ZNF605: variants seen among roughly 807,000 people sequenced by gnomAD.
The protein encoded by ZNF605 is zinc finger protein 605.
In ZNF605, 9 loss-of-function variants were observed where a neutral mutation model predicts 7.9. That is an observed-to-expected ratio of 1.14 (90% CI 0.68 to 1.98). The LOEUF (loss-of-function observed/expected upper bound fraction) is 1.98, where lower values mean the gene tolerates loss of function less well. ZNF605 is among the 30% of genes most tolerant of loss of function. The probability of loss-of-function intolerance (pLI) is 0.00; values close to 1 mark genes in which losing one functional copy is unlikely to be tolerated. For missense variants in ZNF605, 673 were observed against 762.4 expected, an observed-to-expected ratio of 0.88 and a Z score of 1.38; for synonymous variants, 255 against 260.1, an observed-to-expected ratio of 0.98 and a Z score of 0.19.
rs187798738 is a variant in ZNF605 at position 132,920,419 on chromosome 12, G to T, written c.*4954C>A. ...CTCCCAAAGTGCTGGGATTACAGGC[G>T]TGAGCCACCGCGCCTGGCCTGGTTT... On this transcript the variant is annotated 3_prime_UTR_variant, in exon 5 of 5. Coordinates refer to ENST00000360187, the MANE Select transcript of ZNF605 (RefSeq NM_183238.4). 6.6e-6 allele frequency: 1 copy of T among 152,146 alleles called. No homozygotes were observed. The highest frequency in any genetic ancestry group is 1.5e-5 in the Non-Finnish European group (1 of 68,050). 9.4% of individuals were successfully genotyped at this position (152,146 alleles called of 1,614,324 possible). A position where few individuals can be genotyped will look rare whatever the true frequency, so the allele number is the denominator to read the frequency against.
rs961247880 is a variant in ZNF605 at position 132,933,282 on chromosome 12, C to T, written c.16-127G>A. On this transcript the variant is annotated intron_variant, in intron 3 of 4. Transcript: ENST00000360187. This position sits in a 1 kb window ranked among gnomAD's most constrained non-coding sequence, Gnocchi z 4.4. ...GTGACCTCTGACTCCGGTATTCATG[C>T]TTTTGCATAATCCTCCCCTCTTGAC... 1.0e-5 allele frequency: 11 copies of T among 1,074,290 alleles called. No individual in the cohort carries two copies. The African/African-American group carries it at 1.8e-4, about 17-fold the overall frequency. 66.5% of individuals were successfully genotyped at this position (1,074,290 alleles called of 1,614,324 possible). A position where few individuals can be genotyped will look rare whatever the true frequency, so the allele number is the denominator to read the frequency against.
chr12:132,939,053 C>T (rs796158953), intron 3 of ZNF605, among the ~76,000 whole-genome samples: 21,529 of 150,642 alleles, frequency 0.14, 2,427 homozygotes, highest in Non-Finnish European at 0.2. Flanking sequence ...CATGGGCTCC[C>T]ATGCGGCCCC....
chr12:132,920,477 T>C lies in ZNF605; in HGVS notation c.*4896A>G, dbSNP rs954433933. ...GTTAGCATTCTGACAAGATGTTAAA[T>C]GACCCGGATACAATGAGTAATAATT... On this transcript the variant is annotated 3_prime_UTR_variant, in exon 5 of 5. Coordinates refer to ENST00000360187, the MANE Select transcript of ZNF605 (RefSeq NM_183238.4). 1 of 152,232 alleles carries C rather than the reference T, an allele frequency of 6.6e-6. No individual in the cohort carries two copies. Among genetic ancestry groups the C allele is most frequent in the Non-Finnish European group, 1.5e-5 (1 of 68,050 alleles). 9.4% of individuals were successfully genotyped at this position (152,232 alleles called of 1,614,324 possible).
Position 132,949,954 on chromosome 12 carries a change from C to T in ZNF605, c.-285-1684G>A, listed in dbSNP as rs796392745. 2.1e-4 allele frequency among the ~76,000 whole-genome samples: 32 copies of T among 152,122 alleles called. 1 individual carries two copies. The highest frequency in any genetic ancestry group is 7.5e-4 in the African/African-American group (31 of 41,500). ...GGGTTTGCGGCTCGAGGCAGATTCT[C>T]GAGAAAAAACATCCTGGAAGAGCCC... On this transcript the variant is annotated intron_variant, in intron 1 of 4. Coordinates refer to ENST00000360187, the MANE Select transcript of ZNF605 (RefSeq NM_183238.4).
intron 1 of ZNF605, among the ~76,000 whole-genome samples, chr12:132,953,639 A>G (rs1252496725): frequency 6.6e-6 from 1 of 152,098 alleles, no homozygotes; most frequent in African/African-American, 2.4e-5. Flanking sequence ...GTTGGCCAGG[A>G]TGGTGTGGAT....
chr12:132,951,995 C>T lies in ZNF605; in HGVS notation c.-285-3725G>A, dbSNP rs1025092588. Among the ~76,000 whole-genome samples, 1,077 of 152,186 alleles carry T rather than the reference C, an allele frequency of 7.1e-3. 18 individuals carry two copies. The highest frequency in any genetic ancestry group is 0.024 in the African/African-American group (1,000 of 41,508). ...CACGTTCACACACATCACACACACA[C>T]AGTCTCATTTACTCGCTACGAAAGC... On this transcript the variant is annotated intron_variant, in intron 1 of 4. Coordinates refer to ENST00000360187, the MANE Select transcript of ZNF605 (RefSeq NM_183238.4).
rs1952252210 is a variant in ZNF605, at chr12:132,926,775, C to T, written c.524G>A (p.Gly175Asp). The change falls in exon 5 of 5, where the codon GGC (glycine) becomes GAC (aspartate). Residue 175 changes from glycine (G) to aspartate (D), a missense_variant. Physicochemically the swap from Gly to Asp is moderately conservative, Grantham distance 94. Coordinates refer to ENST00000360187, the MANE Select transcript of ZNF605 (RefSeq NM_183238.4). Reference sequence around the variant, plus strand: ...TTGTGACTTCTTGTTAAAAAATCTGCCACATTCCATGCATAAATAGACTCC... The same window carrying T: ...TTGTGACTTCTTGTTAAAAAATCTGTCACATTCCATGCATAAATAGACTCC... ...HTGVYLCMEC[G>D]RFFNKKSQLV... 3.1e-6 allele frequency: 5 copies of T among 1,613,804 alleles called. No homozygotes were observed. The Admixed American group carries it at 6.7e-5, about 22-fold the overall frequency.
chr12:132,929,876 C>G (rs902178393), intron 4 of ZNF605, among the ~76,000 whole-genome samples: 1 of 152,068 alleles, frequency 6.6e-6, no homozygotes, highest in African/African-American at 2.4e-5. Context: ...ACCCGGGAGT[C>G]GGAGGTTGTA....
At chr12:132,953,159 TC>T (rs1952590356) in intron 1 of ZNF605, among the ~76,000 whole-genome samples, 1 of 151,834 alleles carries the variant, frequency 6.6e-6, no homozygotes. Flanking sequence ...CCGAACCCCA[TC>T]AACCCCACTC....
At position 132,932,098 on chromosome 12, in the gene ZNF605, T is replaced by C. The variant is rs1047771505; in HGVS notation, c.136+937A>G. Among the ~76,000 whole-genome samples the C allele has an allele frequency of 1.6e-4, 24 of 152,232 alleles. No individual in the cohort carries two copies. The East Asian group carries it at 4.4e-3, about 28-fold the overall frequency. On this transcript the variant is annotated intron_variant, in intron 4 of 4. Coordinates refer to ENST00000360187, the MANE Select transcript of ZNF605 (RefSeq NM_183238.4). Reference sequence around the variant, plus strand: ...ACCACCATATTTGGCTGAATTATTATTATTATTGTTAGGTATTATTAGTAG... The same window carrying C: ...ACCACCATATTTGGCTGAATTATTACTATTATTGTTAGGTATTATTAGTAG...
chr12:132,944,259 C>G (rs1294657008), intron 3 of ZNF605, among the ~76,000 whole-genome samples: 1 of 151,848 alleles, frequency 6.6e-6, no homozygotes, highest in Non-Finnish European at 1.5e-5. Context: ...GCTCCGTCAC[C>G]CAGGCTGGAG....
intron 4 of ZNF605, among the ~76,000 whole-genome samples, chr12:132,928,279 CA>C (rs1952268735): frequency 1.3e-5 from 2 of 152,034 alleles, no homozygotes; most frequent in African/African-American, 4.8e-5. Context: ...AGATAAGAAA[CA>C]TTTTTTTGTA....
At chr12:132,950,818 TACAC>T (rs1952552555) in intron 1 of ZNF605, among the ~76,000 whole-genome samples, 1 of 149,770 alleles carries the variant, frequency 6.7e-6, no homozygotes, top group East Asian at 2.0e-4. Context: ...CAGAGACATG[TACAC>T]ACACTGATAA....
intron 4 of ZNF605, among the ~76,000 whole-genome samples, chr12:132,929,501 T>C (rs1180613462): frequency 6.6e-6 from 1 of 152,104 alleles, no homozygotes; most frequent in East Asian, 1.9e-4. Flanking sequence ...TGAAAAAGAC[T>C]ATGCAAAGAA....
intron 4 of ZNF605, 32 bp from the exon 5 acceptor site, chr12:132,927,194 T>A (rs1952255767): frequency 6.9e-7 from 1 of 1,449,732 alleles, no homozygotes; most frequent in Non-Finnish European, 9.2e-7. Flanking sequence ...CCATACTGTG[T>A]AATTCCTTCA....
rs565916633 is a variant in ZNF605, at chr12:132,923,535, A to G, written c.*1838T>C. ...AATACTCCATTGTCTTATAGCTTGCATAGTTCTCACCAGAAATATGCTGCC... is the reference window on the plus strand; with the variant it reads ...AATACTCCATTGTCTTATAGCTTGCGTAGTTCTCACCAGAAATATGCTGCC... On this transcript the variant is annotated 3_prime_UTR_variant, in exon 5 of 5. Transcript: ENST00000360187. 1.3e-5 allele frequency: 2 copies of G among 152,342 alleles called. No homozygotes were observed. The highest frequency in any genetic ancestry group is 4.1e-4 in the South Asian group (2 of 4,830). The allele number at this position is 152,342 out of a possible 1,614,324, so 9.4% of individuals were successfully genotyped here. A position where few individuals can be genotyped will look rare whatever the true frequency, so the allele number is the denominator to read the frequency against.
At position 132,918,887 on chromosome 12, in the gene ZNF605, G is replaced by C. The variant is rs952440522; in HGVS notation, c.*6486C>G. The C allele has an allele frequency of 3.3e-5, 5 of 152,266 alleles. No homozygotes were observed. The highest frequency in any genetic ancestry group is 4.8e-5 in the African/African-American group (2 of 41,450). 9.4% of individuals were successfully genotyped at this position (152,266 alleles called of 1,614,324 possible). On this transcript the variant is annotated 3_prime_UTR_variant, in exon 5 of 5. Transcript: ENST00000360187. ...AGGCGTGAGCCATCGCACCTGGCCAGCCTTACCCTTGTAATGAAGCAGTGA... is the reference window on the plus strand; with the variant it reads ...AGGCGTGAGCCATCGCACCTGGCCACCCTTACCCTTGTAATGAAGCAGTGA...
intron 3 of ZNF605, among the ~76,000 whole-genome samples, chr12:132,942,857 A>C (rs1292589716): frequency 6.6e-6 from 1 of 152,234 alleles, no homozygotes; most frequent in Non-Finnish European, 1.5e-5. Context: ...TGCCGAGGTG[A>C]CTGCTGAGGC....
intron 1 of ZNF605, among the ~76,000 whole-genome samples, chr12:132,953,935 G>C (rs1226272979): frequency 6.6e-6 from 1 of 151,818 alleles, no homozygotes; most frequent in Non-Finnish European, 1.5e-5. Context: ...CACCCCATCA[G>C]TCATTCAGTC....
Sources: gnomAD v4.1 joint callset for allele counts (sites outside exome capture counted in the v4.1 genomes callset) on GRCh38, gnomAD v4.1.1 for gene constraint, Gnocchi (gnomAD v3.1) non-coding constraint, MANE v1.5 for transcripts, NCBI Gene and HGNC (gene_info 2026-07-23, HGNC 2026-07-21) for gene names.